The following NUP54 variants were observed in gnomAD, a reference collection of about 807,000 sequenced individuals.
The protein encoded by NUP54 is nucleoporin p54.
A neutral mutation model predicts 66.4 loss-of-function variants in NUP54; 27 were observed. That is an observed-to-expected ratio of 0.41 (90% CI 0.30 to 0.56). NUP54 has a LOEUF of 0.56. Ranked by LOEUF, NUP54 falls within the 20% of genes least tolerant of loss-of-function variation. The pLI, the probability that NUP54 is intolerant of heterozygous loss-of-function variation, is 0.34. For synonymous variants in NUP54, 206 were observed against 210.7 expected, an observed-to-expected ratio of 0.98 and a Z score of 0.19; for missense variants, 486 against 596.3, an observed-to-expected ratio of 0.82 and a Z score of 1.93.
chr4:76,122,604 C>T (rs938438656), intron 9 of NUP54, among the ~76,000 whole-genome samples: 18 of 152,102 alleles, frequency 1.2e-4, no homozygotes, highest in African/African-American at 3.9e-4. Context: ...ATGCTACAAA[C>T]AGAAATGTAA....
chr4:76,146,074 CTA>C lies in NUP54; in HGVS notation c.68-1603_68-1602del, dbSNP rs1289573249. ...CTGAATTGGCTACGCAATAGAAACA[CTA>C]GTCAGTTTCTCATCATGCTCCACAA... is the stretch of plus-strand genomic sequence containing the variant. On this transcript the variant is annotated intron_variant, in intron 1 of 11. Transcript: ENST00000264883. 9.0e-6 allele frequency: 4 copies of C among 445,660 alleles called. No individual in the cohort carries two copies. In the Admixed American group the frequency reaches 1.0e-4, roughly 11 times the overall value. 27.6% of individuals were successfully genotyped at this position (445,660 alleles called of 1,614,324 possible).
chr4:76,115,309 A>C lies in NUP54; in HGVS notation c.*57T>G, dbSNP rs1729900331. On this transcript the variant is annotated 3_prime_UTR_variant, in exon 12 of 12. Transcript: ENST00000264883. Reference sequence around the variant, plus strand: ...ATGTGGTCGGTTTCATTCTTAAGGAAGGTCTGATGCAGTAAGAAGATGCAT... The same window carrying C: ...ATGTGGTCGGTTTCATTCTTAAGGACGGTCTGATGCAGTAAGAAGATGCAT... 1.4e-6 allele frequency: 2 copies of C among 1,422,546 alleles called. No homozygotes were observed. The highest frequency in any genetic ancestry group is 5.3e-5 in the East Asian group (2 of 37,852). 88.1% of individuals were successfully genotyped at this position (1,422,546 alleles called of 1,614,324 possible). A position where few individuals can be genotyped will look rare whatever the true frequency, so the allele number is the denominator to read the frequency against.
At chr4:76,134,624 C>A (rs1185372376) in intron 4 of NUP54, among the ~76,000 whole-genome samples, 2 of 152,028 alleles carry the variant, frequency 1.3e-5, no homozygotes, top group African/African-American at 2.4e-5. Context: ...GCTTTCTCCC[C>A]TAAAAAATTT....
rs1730014676 is a variant in NUP54, at chr4:76,117,730, A to G, written c.1329T>C (p.His443=). 2 of 1,614,060 alleles carry G rather than the reference A, an allele frequency of 1.2e-6. No individual in the cohort carries two copies. The highest frequency in any genetic ancestry group is 1.7e-6 in the Non-Finnish European group (2 of 1,179,956). Reference sequence around the variant, plus strand: ...TTTCTTCAGATCTGACTGCTCCAAAATGATTCTGCATCCTGATTTGAGACA... The same window carrying G: ...TTTCTTCAGATCTGACTGCTCCAAAGTGATTCTGCATCCTGATTTGAGACA... ...ELMSQIRMQN[H]FGAVRSEERY... Residue 443 remains histidine, a synonymous_variant, in exon 11 of 12, where the codon CAT becomes CAC. Transcript: ENST00000264883.
chr4:76,144,006 A>G (rs1731376391), intron 3 of NUP54, 143 bp downstream of exon 3: 3 of 841,256 alleles, frequency 3.6e-6, no homozygotes. Flanking sequence ...TATCATATTT[A>G]AACATGAAAA....
rs892823991 is a variant in NUP54 at position 76,115,197 on chromosome 4, T to C, written c.*169A>G. ...AGGTTTTCTTTGAAGAGCTGTGAGG[T>C]GACTATTTCAGATTTGATGAACAGT... On this transcript the variant is annotated 3_prime_UTR_variant, in exon 12 of 12. Coordinates refer to ENST00000264883, the MANE Select transcript of NUP54 (RefSeq NM_017426.4). The C allele has an allele frequency of 6.1e-6, 3 of 491,836 alleles. No homozygotes were observed. The highest frequency in any genetic ancestry group is 1.0e-5 in the Non-Finnish European group (3 of 294,096). The allele number at this position is 491,836 out of a possible 1,614,324, so 30.5% of individuals were successfully genotyped here. A position where few individuals can be genotyped will look rare whatever the true frequency, so the allele number is the denominator to read the frequency against.
At chr4:76,143,246 A>C (rs1349674038) in intron 3 of NUP54, among the ~76,000 whole-genome samples, 1 of 152,226 alleles carries the variant, frequency 6.6e-6, no homozygotes, top group East Asian at 1.9e-4. Flanking sequence ...TAGGCGTGCA[A>C]TCAGAAAAGT....
chr4:76,145,524 C>T, intron 1 of NUP54: 1 of 1,213,132 alleles, frequency 8.2e-7, no homozygotes. Flanking sequence ...GACTAAGTAA[C>T]TTTTCAAAGG....
chr4:76,143,581 G>A (rs1731357714), intron 3 of NUP54, among the ~76,000 whole-genome samples: 1 of 152,146 alleles, frequency 6.6e-6, no homozygotes. Context: ...TCCAGCCTGG[G>A]CGACAGAGCA....
intron 6 of NUP54, among the ~76,000 whole-genome samples, chr4:76,131,675 GA>G (rs59420212): frequency 0.13 from 19,983 of 151,966 alleles, 1,539 homozygotes; most frequent in East Asian, 0.35. Flanking sequence ...TCAGTGGCCA[GA>G]AAAAATAACA....
At chr4:76,121,532 A>G (rs1169331872) in intron 9 of NUP54, among the ~76,000 whole-genome samples, 2 of 152,184 alleles carry the variant, frequency 1.3e-5, no homozygotes, top group Admixed American at 1.3e-4. Flanking sequence ...AGGCACAATC[A>G]TAGCTCACTA....
At chr4:76,145,672 C>A in intron 1 of NUP54, 1 of 708,512 alleles carries the variant, frequency 1.4e-6, no homozygotes, top group Non-Finnish European at 2.0e-6. Flanking sequence ...CAGCTGATTA[C>A]CAATGTGGTA....
At chr4:76,121,901 A>C (rs1468373073) in intron 9 of NUP54, among the ~76,000 whole-genome samples, 1 of 152,216 alleles carries the variant, frequency 6.6e-6, no homozygotes, top group African/African-American at 2.4e-5. Flanking sequence ...ATATACAATC[A>C]TATCAGCAAA....
intron 8 of NUP54, among the ~76,000 whole-genome samples, chr4:76,126,506 C>G (rs1440986841): frequency 6.6e-6 from 1 of 152,108 alleles, no homozygotes; most frequent in African/African-American, 2.4e-5. Context: ...AGGCAATCTC[C>G]CCATCCCAAT....
At chr4:76,136,617 A>C (rs888265227) in intron 3 of NUP54, among the ~76,000 whole-genome samples, 1 of 152,150 alleles carries the variant, frequency 6.6e-6, no homozygotes, top group African/African-American at 2.4e-5. Flanking sequence ...GTTATCCTGG[A>C]TTATCAGGAG....
intron 1 of NUP54, among the ~76,000 whole-genome samples, chr4:76,146,488 C>T (rs960572878): frequency 1.3e-5 from 2 of 152,172 alleles, no homozygotes; most frequent in African/African-American, 2.4e-5. Context: ...AAATATTCTT[C>T]GAACTGTTTT....
intron 3 of NUP54, among the ~76,000 whole-genome samples, chr4:76,137,107 A>C (rs1370524495): frequency 6.6e-6 from 1 of 152,164 alleles, no homozygotes; most frequent in Non-Finnish European, 1.5e-5. Context: ...CCCCTGCTTC[A>C]TCATCCTGAG....
At chr4:76,144,585 T>C (rs1731407673) in intron 1 of NUP54, 112 bp from the exon 2 acceptor site, 1 of 778,456 alleles carries the variant, frequency 1.3e-6, no homozygotes, top group African/African-American at 1.8e-5. Flanking sequence ...TATATTGATC[T>C]AATTTTTCCT....
intron 9 of NUP54, among the ~76,000 whole-genome samples, chr4:76,120,679 G>A (rs1459199264): frequency 2.0e-5 from 3 of 151,992 alleles, no homozygotes; most frequent in East Asian, 3.9e-4. Flanking sequence ...CACCCGCCTC[G>A]GCCTCCCAGA....
Sources: gnomAD v4.1 joint callset for allele counts (sites outside exome capture counted in the v4.1 genomes callset) on GRCh38, gnomAD v4.1.1 for gene constraint, MANE v1.5 for transcripts, NCBI Gene and HGNC (gene_info 2026-07-23, HGNC 2026-07-21) for gene names.